FAM81B: variants seen among roughly 807,000 people sequenced by gnomAD.
FAM81B encodes the protein protein FAM81B.
Under a neutral mutation model 58.7 loss-of-function variants are expected in FAM81B, and 60 were observed. The ratio of observed to expected loss-of-function variants is 1.02; its 90% CI spans 0.83 to 1.27. The LOEUF (loss-of-function observed/expected upper bound fraction) is 1.27, where lower values mean the gene tolerates loss of function less well. FAM81B is among the 50% of genes most tolerant of loss of function. FAM81B has a pLI of 0.00. For synonymous variants in FAM81B, 189 were observed against 179.6 expected (o/e 1.05, Z -0.42); for missense variants, 491 against 522.0 (o/e 0.94, Z 0.58).
chr5:95,418,450 T>C (rs896126102), intron 4 of FAM81B, among the ~76,000 whole-genome samples: 10 of 152,236 alleles, frequency 6.6e-5, no homozygotes, highest in Non-Finnish European at 5.9e-5. Context: ...ACAAATCTTC[T>C]ATCCATGAAA....
intron 3 of FAM81B, among the ~76,000 whole-genome samples, chr5:95,398,451 T>TAAATA (rs1554042469): frequency 6.6e-6 from 1 of 151,260 alleles, no homozygotes; most frequent in African/African-American, 2.4e-5. Flanking sequence ...AATAAATAAA[T>TAAATA]AAAAAACTTC....
chr5:95,400,634 T>C (rs1301368029), intron 3 of FAM81B, among the ~76,000 whole-genome samples: 3 of 152,158 alleles, frequency 2.0e-5, no homozygotes, highest in Non-Finnish European at 4.4e-5. Flanking sequence ...ATTCAACCCA[T>C]AACAATATTT....
In FAM81B at chr5:95,428,687, A is replaced by G; in HGVS notation, c.741A>G (p.Glu247=). ...EHRQIEKAIQ[E]FVPALETLSK... ...GGCAAATTGAGAAAGCCATTCAAGA[A>G]TTCGTGCCCGCCCTGGAAACTCTTT... Residue 247 remains glutamate, a synonymous_variant, in exon 6 of 10, where the codon GAA becomes GAG. Transcript: ENST00000283357. 1 of 1,614,018 alleles carries G rather than the reference A, an allele frequency of 6.2e-7. No individual in the cohort carries two copies. The highest frequency in any genetic ancestry group is 8.5e-7 in the Non-Finnish European group (1 of 1,179,880).
chr5:95,428,134 G>A (rs970468152), intron 5 of FAM81B, among the ~76,000 whole-genome samples: 2 of 152,164 alleles, frequency 1.3e-5, no homozygotes, highest in African/African-American at 4.8e-5. Flanking sequence ...GATTTGCTGG[G>A]ACACCTTTTC....
chr5:95,414,051 T>C lies in FAM81B; in HGVS notation c.398T>C (p.Phe133Ser), dbSNP rs200110782. 2.6e-4 allele frequency: 422 copies of C among 1,614,054 alleles called. No homozygotes were observed. The highest frequency in any genetic ancestry group is 3.5e-4 in the Non-Finnish European group (412 of 1,179,992). Residue 133 changes from phenylalanine (F) to serine (S), a missense_variant, in exon 4 of 10, where the codon TTC becomes TCC. Transcript: ENST00000283357. Reference protein sequence around the residue: ...RTIAFLLEQAFRIKEDISACL... With the variant: ...RTIAFLLEQASRIKEDISACL... The stretch of plus-strand genomic sequence containing the variant: ...ATAGCTTTCCTTCTTGAACAAGCCT[T>C]CCGCATCAAGGAGGACATCTCTGCT...
chr5:95,404,066 T>G (rs1292751743), intron 3 of FAM81B, among the ~76,000 whole-genome samples: 1 of 152,172 alleles, frequency 6.6e-6, no homozygotes, highest in African/African-American at 2.4e-5. Context: ...TGTACAAGAC[T>G]GAAAACCGGG....
At chr5:95,432,719 C>A (rs1245114207) in intron 6 of FAM81B, among the ~76,000 whole-genome samples, 1 of 151,776 alleles carries the variant, frequency 6.6e-6, no homozygotes, top group Admixed American at 6.6e-5. Flanking sequence ...GGTTTTAATT[C>A]TCTCTGCTTT....
chr5:95,419,893 G>C (rs1374132740), intron 4 of FAM81B, among the ~76,000 whole-genome samples: 2 of 152,152 alleles, frequency 1.3e-5, no homozygotes, highest in African/African-American at 4.8e-5. Context: ...TTTGTGAAAA[G>C]CTTTTATGTC....
intron 3 of FAM81B, among the ~76,000 whole-genome samples, chr5:95,401,278 C>T (rs1032239134): frequency 2.6e-5 from 4 of 152,140 alleles, no homozygotes; most frequent in Admixed American, 6.6e-5. Context: ...CTGGACCGTG[C>T]CACTATATGG....
intron 3 of FAM81B, among the ~76,000 whole-genome samples, chr5:95,412,404 G>T (rs969025274): frequency 7.9e-5 from 12 of 152,130 alleles, no homozygotes; most frequent in African/African-American, 2.9e-4. Context: ...CTTACTATGT[G>T]CATAATTATA....
chr5:95,395,714 G>A (rs185141723), intron 2 of FAM81B, among the ~76,000 whole-genome samples: 1 of 152,120 alleles, frequency 6.6e-6, no homozygotes, highest in African/African-American at 2.4e-5. Context: ...TTTCTAGTTC[G>A]GGGCTTTGTG....
In FAM81B at chr5:95,426,125, T is replaced by TACAC. The variant is rs1554045025; in HGVS notation, c.657-2476_657-2473dup. ...ATATATATATATATATATATATATG[T>TACAC]ACACATATATTTTAAGTATATATGT... On this transcript the variant is annotated intron_variant, in intron 5 of 9. Coordinates refer to ENST00000283357, the MANE Select transcript of FAM81B (RefSeq NM_152548.3). Among the ~76,000 whole-genome samples the TACAC allele has an allele frequency of 9.8e-3, 924 of 94,250 alleles. 8 individuals carry two copies. Among genetic ancestry groups the TACAC allele is most frequent in the Non-Finnish European group, 0.014 (636 of 44,976 alleles). 61.8% of individuals were successfully genotyped at this position (94,250 alleles called of 152,430 possible).
At chr5:95,405,777 G>C (rs2152761844) in intron 3 of FAM81B, among the ~76,000 whole-genome samples, 1 of 152,262 alleles carries the variant, frequency 6.6e-6, no homozygotes, top group South Asian at 2.1e-4. Context: ...CCAGGCACCA[G>C]AAAACCACTC....
chr5:95,407,365 T>C (rs1371092587), intron 3 of FAM81B, among the ~76,000 whole-genome samples: 1 of 144,334 alleles, frequency 6.9e-6, no homozygotes, highest in East Asian at 2.0e-4. Context: ...GCTACCTGAG[T>C]GATTCCAAAA....
chr5:95,436,663 G>T (rs1449497268), intron 6 of FAM81B, 137 bp from the exon 7 acceptor site: 1 of 679,636 alleles, frequency 1.5e-6, no homozygotes. Flanking sequence ...CATGCTTTAG[G>T]TTCAAGTCTG....
intron 4 of FAM81B, among the ~76,000 whole-genome samples, chr5:95,418,284 T>C (rs559217955): frequency 6.6e-6 from 1 of 152,276 alleles, no homozygotes; most frequent in South Asian, 2.1e-4. Context: ...CTTATTTTAC[T>C]TAATAATTCC....
At chr5:95,429,650 C>T (rs77478714) in intron 6 of FAM81B, among the ~76,000 whole-genome samples, 1,788 of 152,276 alleles carry the variant, frequency 0.012, 31 homozygotes, top group African/African-American at 0.041. Flanking sequence ...TTTCAAGGTA[C>T]TCAATCATAT....
chr5:95,449,911 GA>G (rs1488659301), intron 9 of FAM81B, among the ~76,000 whole-genome samples: 1 of 152,166 alleles, frequency 6.6e-6, no homozygotes, highest in East Asian at 1.9e-4. Context: ...TTGAGGAGGA[GA>G]AAAATAAATT....
intron 9 of FAM81B, among the ~76,000 whole-genome samples, chr5:95,449,748 A>C (rs1488020228): frequency 6.6e-6 from 1 of 152,208 alleles, no homozygotes; most frequent in African/African-American, 2.4e-5. Context: ...CAAATAGGCT[A>C]CTTTCAGAGA....
Sources: allele counts gnomAD v4.1 joint callset (sites outside exome capture counted in the v4.1 genomes callset), GRCh38; gene constraint gnomAD v4.1.1; transcripts MANE v1.5; gene names NCBI Gene and HGNC (gene_info 2026-07-23, HGNC 2026-07-21).